Variants in STAB1 observed in about 807,000 individuals in gnomAD.
STAB1 encodes stabilin 1.
STAB1 carries 250 observed loss-of-function variants against 332.4 expected under a neutral mutation model. The ratio of observed to expected loss-of-function variants is 0.75; its 90% CI spans 0.68 to 0.84. The LOEUF (loss-of-function observed/expected upper bound fraction) is 0.84, where lower values mean the gene tolerates loss of function less well. Ranked by LOEUF, STAB1 falls within the 40% of genes least tolerant of loss-of-function variation. The pLI is 0.00. For synonymous variants in STAB1, 1,475 were observed against 1,390.4 expected (o/e 1.06, Z -1.35); for missense variants, 3,249 against 3,489.7 (o/e 0.93, Z 1.74).
chr3:52,516,533 GC>G lies in STAB1; in HGVS notation c.4241-3del. On this transcript the variant is annotated splice_polypyrimidine_tract_variant and splice_region_variant and intron_variant, in intron 39 of 68. Transcript: ENST00000321725. ...TCTGAATGACCAGAGTCATCCTCCT[GC>G]CCCCCAGAAATCACCAGCCCTCAGT... The G allele has an allele frequency of 3.7e-6, 6 of 1,613,280 alleles. No homozygotes were observed. The highest frequency in any genetic ancestry group is 4.2e-6 in the Non-Finnish European group (5 of 1,179,952).
In STAB1 at chr3:52,516,776, C is replaced by T. The variant is rs1182638791; in HGVS notation, c.4363+8C>T. ...ATGGCATCTTCTGTTCAGGTCCAGC[C>T]ACACGGATGCCCAGGGCCCTCCCTG... is the stretch of plus-strand genomic sequence containing the variant. On this transcript the variant is annotated splice_region_variant and intron_variant, in intron 41 of 68. Coordinates refer to ENST00000321725, the MANE Select transcript of STAB1 (RefSeq NM_015136.3). 6.2e-7 allele frequency: 1 copy of T among 1,605,614 alleles called. No individual in the cohort carries two copies. Among genetic ancestry groups the T allele is most frequent in the Non-Finnish European group, 8.5e-7 (1 of 1,177,306 alleles).
At chr3:52,519,809 A>G (rs140457123) in intron 50 of STAB1, 135 bp from the exon 51 acceptor site, 13 of 1,250,638 alleles carry the variant, frequency 1.0e-5, no homozygotes, top group Non-Finnish European at 1.4e-5. Flanking sequence ...GTGCACACAC[A>G]TGCCTGCCTG....
chr3:52,523,063 G>A lies in STAB1; in HGVS notation c.6949G>A (p.Gly2317Arg), dbSNP rs923593643. The A allele has an allele frequency of 9.6e-6, 15 of 1,569,798 alleles. No homozygotes were observed. The highest frequency in any genetic ancestry group is 5.2e-5 in the Admixed American group (3 of 57,678). The change falls in exon 63 of 69, where the codon GGG becomes AGG. Residue 2317 changes from glycine (G) to arginine (R), a missense_variant. By Grantham distance (125) the Gly-to-Arg change is moderately radical. Transcript: ENST00000321725. Reference protein sequence around the residue: ...CRCRNGFVGDGISTCNGKLLD... With the variant: ...CRCRNGFVGDRISTCNGKLLD... ...ATGCCGAAATGGCTTCGTGGGTGAC[G>A]GGATCAGCACGTGCAATGGGAAGCT...
intron 37 of STAB1, 57 bp downstream of exon 37, chr3:52,515,563 TG>T: frequency 6.3e-7 from 1 of 1,589,642 alleles, no homozygotes. Context: ...TGGGAGTGGG[TG>T]GGGGCCCAGG....
chr3:52,514,246 G>C lies in STAB1; in HGVS notation c.3546+33G>C, dbSNP rs773308908. The C allele has an allele frequency of 1.9e-6, 3 of 1,611,142 alleles. No homozygotes were observed. In the East Asian group the frequency reaches 6.7e-5, roughly 36 times the overall value. ...CGTGGGGATGGGGCAATGGCAGGGAGGGCAAAGGCATAGAGGGCGAGCCTC... is the reference window on the plus strand; with the variant it reads ...CGTGGGGATGGGGCAATGGCAGGGACGGCAAAGGCATAGAGGGCGAGCCTC... On this transcript the variant is annotated intron_variant, in intron 33 of 68. Transcript: ENST00000321725.
intron 17 of STAB1, 144 bp from the exon 18 acceptor site, chr3:52,506,548 A>T: frequency 1.1e-6 from 1 of 906,656 alleles, no homozygotes; most frequent in Non-Finnish European, 1.6e-6. Context: ...GCTGAAGGAG[A>T]GGTGGCTGGT....
chr3:52,517,473 AG>A (rs997343786), intron 43 of STAB1, 76 bp from the exon 44 acceptor site: 14 of 1,588,356 alleles, frequency 8.8e-6, no homozygotes, highest in Non-Finnish European at 1.1e-5. Context: ...AGGCCCGGGG[AG>A]GGGGGTGACC....
chr3:52,503,006 C>G lies in STAB1; in HGVS notation c.591C>G (p.Pro197=). The change falls in exon 7 of 69, where the codon CCC becomes CCG. Residue 197 remains proline, a synonymous_variant. Transcript: ENST00000321725. ...TCTCTCCACTCTGCGCAGAGCTGCC[C>G]GTCTGCCAGGAGCTGCGCTGTCCCC... The part of the protein sequence containing the change: ...YTGPHCDQEL[P]VCQELRCPQN... 1.3e-6 allele frequency: 2 copies of G among 1,582,354 alleles called. No individual in the cohort carries two copies. The highest frequency in any genetic ancestry group is 1.2e-5 in the South Asian group (1 of 86,354).
At chr3:52,516,290 T>G in intron 38 of STAB1, 52 bp downstream of exon 38, 1 of 1,607,688 alleles carries the variant, frequency 6.2e-7, no homozygotes, top group Non-Finnish European at 8.5e-7. Context: ...GAGAGCAGCC[T>G]GGAGACCCCA....
chr3:52,501,573 G>T, intron 2 of STAB1, 65 bp from the exon 3 acceptor site: 1 of 1,440,920 alleles, frequency 6.9e-7, no homozygotes, highest in South Asian at 1.2e-5. Flanking sequence ...AGCCAATGTG[G>T]GGAGGCTGGG....
At chr3:52,519,792 G>A (rs1170776860) in intron 50 of STAB1, 152 bp from the exon 51 acceptor site, 1 of 1,159,750 alleles carries the variant, frequency 8.6e-7, no homozygotes, top group Non-Finnish European at 1.2e-6. Flanking sequence ...GTGCACAGTT[G>A]AGATGTGTGC....
At chr3:52,519,119 A>AC in intron 48 of STAB1, 145 bp from the exon 49 acceptor site, 1 of 1,106,110 alleles carries the variant, frequency 9.0e-7, no homozygotes, top group Non-Finnish European at 1.3e-6. Flanking sequence ...TCCGCCCCAG[A>AC]CCCCGCCCAC....
chr3:52,524,126 C>G lies in STAB1; in HGVS notation c.7569C>G (p.Phe2523Leu). ...FQAEDDADDD[F>L]SPWQEGTNPT... ...CGGAAGATGATGCTGATGACGACTT[C>G]TCACCGTGGCAAGAAGGGACCAACC... Residue 2523 changes from phenylalanine to leucine, a missense_variant, in exon 68 of 69, where the codon TTC becomes TTG. Coordinates refer to ENST00000321725, the MANE Select transcript of STAB1 (RefSeq NM_015136.3). The G allele has an allele frequency of 1.2e-6, 2 of 1,613,842 alleles. No homozygotes were observed. Among genetic ancestry groups the G allele is most frequent in the Non-Finnish European group, 1.7e-6 (2 of 1,180,036 alleles).
At chr3:52,509,363 C>T in intron 22 of STAB1, 42 bp downstream of exon 22, 4 of 1,575,794 alleles carry the variant, frequency 2.5e-6, no homozygotes, top group Non-Finnish European at 2.6e-6. Context: ...GGAGAAAAAA[C>T]GTCTGCCTAA....
Position 52,502,641 on chromosome 3 carries a change from G to A in STAB1, c.497G>A (p.Cys166Tyr), listed in dbSNP as rs1286817207. 6.2e-7 allele frequency: 1 copy of A among 1,612,352 alleles called. No individual in the cohort carries two copies. Among genetic ancestry groups the A allele is most frequent in the East Asian group, 2.2e-5 (1 of 44,818 alleles). The change falls in exon 6 of 69, where the codon TGT (cysteine) becomes TAT (tyrosine). Residue 166 changes from cysteine to tyrosine, a missense_variant. Coordinates refer to ENST00000321725, the MANE Select transcript of STAB1 (RefSeq NM_015136.3). ...TGTGTGTCCCTCCCAGTGTGCAGCT[G>A]TGTGCACGGAGTGTGCAACCATGGG... ...FGPDCQSVCSCVHGVCNHGPR... is the reference protein window; with the variant it reads ...FGPDCQSVCSYVHGVCNHGPR...
In STAB1 at chr3:52,506,226, C is replaced by G. The variant is rs1559682358; in HGVS notation, c.1806C>G (p.Val602=). The G allele has an allele frequency of 5.0e-6, 8 of 1,612,858 alleles. No homozygotes were observed. Among genetic ancestry groups the G allele is most frequent in the Non-Finnish European group, 6.8e-6 (8 of 1,179,648 alleles). ...GGATCCTCACCATGGCGAACCAGGTCCTGGCTGTGAACATTTCTGAGGAGG... is the reference window on the plus strand; with the variant it reads ...GGATCCTCACCATGGCGAACCAGGTGCTGGCTGTGAACATTTCTGAGGAGG... ...KGRILTMANQ[V]LAVNISEEGR... Residue 602 remains valine (V), a synonymous_variant, in exon 17 of 69, where the codon GTC becomes GTG. Coordinates refer to ENST00000321725, the MANE Select transcript of STAB1 (RefSeq NM_015136.3).
chr3:52,499,572 T>C (rs1009597019), intron 1 of STAB1, among the ~76,000 whole-genome samples: 5 of 152,226 alleles, frequency 3.3e-5, no homozygotes, highest in African/African-American at 4.8e-5. Flanking sequence ...CCTGCGACTG[T>C]ATTCTCCATG....
chr3:52,517,219 G>A (rs1202112443), intron 42 of STAB1, 101 bp from the exon 43 acceptor site: 2 of 1,501,152 alleles, frequency 1.3e-6, no homozygotes, highest in Non-Finnish European at 1.8e-6. Flanking sequence ...TGGGGACTGG[G>A]GGCGCTGAGA....
In STAB1 at chr3:52,513,743, G is replaced by A. The variant is rs755804697; in HGVS notation, c.3297G>A (p.Val1099=). The A allele has an allele frequency of 1.9e-6, 3 of 1,613,270 alleles. No homozygotes were observed. The Admixed American group carries it at 5.0e-5, about 27-fold the overall frequency. ...SGRVWVQNAS[V]DVADLLATNG... ...GGGTCTGGGTGCAGAATGCCAGCGT[G>A]GATGTGGCTGACCTCCTTGCCACCA... is the stretch of plus-strand genomic sequence containing the variant. The change falls in exon 31 of 69, where the codon GTG becomes GTA. Residue 1099 remains valine, a synonymous_variant. Coordinates refer to ENST00000321725, the MANE Select transcript of STAB1 (RefSeq NM_015136.3).
Sources: gnomAD v4.1 joint callset for allele counts (sites outside exome capture counted in the v4.1 genomes callset) on GRCh38, gnomAD v4.1.1 for gene constraint, MANE v1.5 for transcripts, NCBI Gene and HGNC (gene_info 2026-07-23, HGNC 2026-07-21) for gene names.